Variants in NUCB2 observed in about 807,000 individuals in gnomAD.
NUCB2 encodes the protein nucleobindin 2.
A neutral mutation model predicts 57.9 loss-of-function variants in NUCB2; 48 were observed. The ratio of observed to expected loss-of-function variants is 0.83; its 90% CI spans 0.66 to 1.05. The LOEUF is 1.05. NUCB2 is among the 50% of genes least tolerant of loss of function. The pLI, the probability that NUCB2 is intolerant of heterozygous loss-of-function variation, is 0.00. For synonymous variants in NUCB2, 139 were observed against 152.1 expected (o/e 0.91, Z 0.64); for missense variants, 442 against 476.2 (o/e 0.93, Z 0.67).
At chr11:17,322,309 A>G (rs1950131406) in intron 11 of NUCB2, among the ~76,000 whole-genome samples, 1 of 152,140 alleles carries the variant, frequency 6.6e-6, no homozygotes, top group African/African-American at 2.4e-5. Context: ...TCTTCTGCAT[A>G]TGGATGTTCA....
At chr11:17,313,101 C>T (rs575196231) in intron 10 of NUCB2, among the ~76,000 whole-genome samples, 3 of 151,918 alleles carry the variant, frequency 2.0e-5, no homozygotes, top group Non-Finnish European at 4.4e-5. Flanking sequence ...CAAGGTCTTG[C>T]TATGTTGCCC....
In NUCB2 at chr11:17,312,023, T is replaced by C; in HGVS notation, c.820-5T>C. 1 of 1,571,386 alleles carries C rather than the reference T, an allele frequency of 6.4e-7. No homozygotes were observed. The highest frequency in any genetic ancestry group is 8.6e-7 in the Non-Finnish European group (1 of 1,161,026). ...TTCATGTTCATTTAAAATTTTTCTT[T>C]TTAGTTGGAGAAAGTATATGACCCT... is the stretch of plus-strand genomic sequence containing the variant. On this transcript the variant is annotated splice_polypyrimidine_tract_variant and splice_region_variant and intron_variant, in intron 9 of 13. Transcript: ENST00000529010.
intron 1 of NUCB2, among the ~76,000 whole-genome samples, chr11:17,281,852 T>A (rs1942635648): frequency 6.6e-6 from 1 of 151,650 alleles, no homozygotes; most frequent in African/African-American, 2.4e-5. Context: ...AAATATTTTA[T>A]TTGCTTTTTT....
chr11:17,298,883 G>T (rs1399994998), intron 4 of NUCB2, among the ~76,000 whole-genome samples: 1 of 152,074 alleles, frequency 6.6e-6, no homozygotes, highest in Non-Finnish European at 1.5e-5. Flanking sequence ...ATTTTTAGTA[G>T]AGATGGGGTT....
chr11:17,306,982 G>T (rs768719146), intron 5 of NUCB2, among the ~76,000 whole-genome samples: 1 of 152,020 alleles, frequency 6.6e-6, no homozygotes, highest in Non-Finnish European at 1.5e-5. Flanking sequence ...TTTCTCATTG[G>T]TTCAGTATGA....
chr11:17,294,265 C>A (rs967400212), intron 2 of NUCB2, among the ~76,000 whole-genome samples: 2 of 151,878 alleles, frequency 1.3e-5, no homozygotes, highest in Admixed American at 6.6e-5. Flanking sequence ...CCTGGAACCC[C>A]CTGTTTGTTA....
intron 1 of NUCB2, among the ~76,000 whole-genome samples, chr11:17,280,319 T>C (rs1436315042): frequency 1.3e-5 from 2 of 152,226 alleles, no homozygotes; most frequent in African/African-American, 2.4e-5. Context: ...ACAGAGGCTC[T>C]AAGATCTATA....
intron 2 of NUCB2, among the ~76,000 whole-genome samples, chr11:17,348,531 G>A (rs545588743): frequency 8.6e-5 from 13 of 151,548 alleles, no homozygotes; most frequent in African/African-American, 2.7e-4. Flanking sequence ...GTGGAGATGG[G>A]GCCTCACTAT....
intron 10 of NUCB2, among the ~76,000 whole-genome samples, chr11:17,313,683 T>C (rs369491355): frequency 6.6e-6 from 1 of 152,248 alleles, no homozygotes; most frequent in East Asian, 1.9e-4. Flanking sequence ...TAATCTGTGC[T>C]GATACAGTTG....
chr11:17,313,651 T>A (rs1948832274), intron 10 of NUCB2, among the ~76,000 whole-genome samples: 1 of 152,208 alleles, frequency 6.6e-6, no homozygotes. Flanking sequence ...TCCTGTTAAT[T>A]CTTCACTTTT....
At chr11:17,338,919 C>T (rs1175491319) in intron 2 of NUCB2, among the ~76,000 whole-genome samples, 3 of 152,200 alleles carry the variant, frequency 2.0e-5, no homozygotes, top group African/African-American at 7.2e-5. Context: ...CTGCGTCGGC[C>T]TCCCAAAGTG....
At chr11:17,296,736 C>A (rs1471833255) in intron 4 of NUCB2, among the ~76,000 whole-genome samples, 1 of 151,976 alleles carries the variant, frequency 6.6e-6, no homozygotes, top group Non-Finnish European at 1.5e-5. Context: ...TGGCTAGACC[C>A]CAGAATGGGA....
intron 2 of NUCB2, among the ~76,000 whole-genome samples, chr11:17,284,059 C>T (rs1231224322): frequency 6.6e-6 from 1 of 152,134 alleles, no homozygotes; most frequent in East Asian, 1.9e-4. Flanking sequence ...GACGGAGTCT[C>T]ACTCTTTCAC....
At chr11:17,278,244 C>G (rs1005568070) in intron 1 of NUCB2, 3 of 142,756 alleles carry the variant, frequency 2.1e-5, no homozygotes, top group African/African-American at 7.8e-5. Context: ...GGCCCGATCT[C>G]AGCTCACTGC....
intron 2 of NUCB2, among the ~76,000 whole-genome samples, chr11:17,291,545 C>A (rs796741111): frequency 1.3e-3 from 66 of 52,190 alleles, no homozygotes; most frequent in Non-Finnish European, 1.4e-3. Context: ...GACTCTGCAT[C>A]AAAAAAAAAA....
chr11:17,340,164 T>C (rs1011455931), intron 2 of NUCB2, among the ~76,000 whole-genome samples: 4 of 152,268 alleles, frequency 2.6e-5, no homozygotes, highest in African/African-American at 9.6e-5. Flanking sequence ...TTGAGAAGTG[T>C]CTGTTCATAT....
intron 6 of NUCB2, among the ~76,000 whole-genome samples, chr11:17,309,914 T>G (rs772449460): frequency 3.9e-5 from 6 of 152,222 alleles, no homozygotes; most frequent in Non-Finnish European, 7.3e-5. Flanking sequence ...AATGAACCAA[T>G]TATAGTAAAA....
intron 2 of NUCB2, among the ~76,000 whole-genome samples, chr11:17,347,076 G>A (rs1295505795): frequency 6.6e-6 from 1 of 152,146 alleles, no homozygotes; most frequent in Non-Finnish European, 1.5e-5. Flanking sequence ...GCACAGCTTG[G>A]TTTTATACAT....
chr11:17,305,793 C>T (rs554509405), intron 5 of NUCB2, among the ~76,000 whole-genome samples: 277 of 146,754 alleles, frequency 1.9e-3, no homozygotes, highest in African/African-American at 6.7e-3. Flanking sequence ...GGCTAATTTT[C>T]TTTTTTTTTT....
Sources: allele counts gnomAD v4.1 joint callset (sites outside exome capture counted in the v4.1 genomes callset), GRCh38; gene constraint gnomAD v4.1.1; transcripts MANE v1.5; gene names NCBI Gene and HGNC (gene_info 2026-07-23, HGNC 2026-07-21).